The following BAHCC1 variants were observed in gnomAD, a reference collection of about 807,000 sequenced individuals.
The protein encoded by BAHCC1 is BAH domain and coiled-coil containing 1.
A neutral mutation model predicts 88.2 loss-of-function variants in BAHCC1; 43 were observed. That is an observed-to-expected ratio of 0.49 (90% CI 0.38 to 0.63). The LOEUF is 0.63. BAHCC1 is among the 20% of genes least tolerant of loss of function. The pLI is 0.00. For synonymous variants in BAHCC1, 1,510 were observed against 745.5 expected, an observed-to-expected ratio of 2.03 and a Z score of -16.71; for missense variants, 3,023 against 1,654.8, an observed-to-expected ratio of 1.83 and a Z score of -14.34.
At chr17:81,449,715 GA>G (rs2064598776) in intron 11 of BAHCC1, among the ~76,000 whole-genome samples, 1 of 151,224 alleles carries the variant, frequency 6.6e-6, no homozygotes, top group South Asian at 2.1e-4. Context: ...ATTCCCTGCG[GA>G]TCCTGGACCC....
chr17:81,443,079 G>A lies in BAHCC1; in HGVS notation c.1730G>A (p.Ser577Asn), dbSNP rs558631175. Reference sequence around the variant, plus strand: ...CTGGAGCTGGCATCCCTGGGCTACAGTGGGCCCCACCTGCCCCCATGGGGT... The same window carrying A: ...CTGGAGCTGGCATCCCTGGGCTACAATGGGCCCCACCTGCCCCCATGGGGT... ...KSLELASLGY[S>N]GPHLPPWGVQ... Residue 577 changes from serine (S) to asparagine (N), a missense_variant, in exon 5 of 28, where the codon AGT becomes AAT. Coordinates refer to ENST00000675386, the MANE Select transcript of BAHCC1 (RefSeq NM_001377448.1). 2 of 778,254 alleles carry A rather than the reference G, an allele frequency of 2.6e-6. No homozygotes were observed. Among genetic ancestry groups the A allele is most frequent in the South Asian group, 1.3e-5 (1 of 74,604 alleles). 48.2% of individuals were successfully genotyped at this position (778,254 alleles called of 1,614,324 possible). A position where few individuals can be genotyped will look rare whatever the true frequency, so the allele number is the denominator to read the frequency against.
intron 4 of BAHCC1, 66 bp from the exon 5 acceptor site, chr17:81,441,763 GTC>G: frequency 2.0e-6 from 1 of 505,766 alleles, no homozygotes; most frequent in Non-Finnish European, 3.6e-6. Flanking sequence ...TGGAGCACCT[GTC>G]TCAGGGAGTC....
chr17:81,426,125 T>TGTGGTTGGTGGTG (rs2064193963), intron 2 of BAHCC1, among the ~76,000 whole-genome samples: 5 of 31,410 alleles, frequency 1.6e-4, no homozygotes, highest in African/African-American at 4.2e-4. Context: ...TTGGTGGTGA[T>TGTGGTTGGTGGTG]AGTGGTTGGT....
intron 14 of BAHCC1, among the ~76,000 whole-genome samples, chr17:81,454,618 C>T (rs995488859): frequency 1.4e-5 from 2 of 139,050 alleles, no homozygotes; most frequent in African/African-American, 2.6e-5. Flanking sequence ...CCAGCTGTGG[C>T]GGAAATGTGG....
chr17:81,457,473 C>T lies in BAHCC1; in HGVS notation c.4922C>T (p.Ala1641Val), dbSNP rs782320867. 1.4e-5 allele frequency: 11 copies of T among 770,566 alleles called. No individual in the cohort carries two copies. The African/African-American group carries it at 1.9e-4, about 13-fold the overall frequency. The allele number at this position is 770,566 out of a possible 1,614,324, so 47.7% of individuals were successfully genotyped here. A position where few individuals can be genotyped will look rare whatever the true frequency, so the allele number is the denominator to read the frequency against. The change falls in exon 17 of 28, where the codon GCA becomes GTA. Residue 1641 changes from alanine (A) to valine (V), a missense_variant. Ala to Val is a moderately conservative substitution (Grantham distance 64, BLOSUM62 0). Coordinates refer to ENST00000675386, the MANE Select transcript of BAHCC1 (RefSeq NM_001377448.1). ...LLGTEAPPRE[A>V]GLLLHTGASV... is the part of the protein sequence containing the mutation. Reference sequence around the variant, plus strand: ...GGGACAGAGGCACCACCCAGGGAAGCAGGGCTGCTGCTGCACACCGGGGCC... The same window carrying T: ...GGGACAGAGGCACCACCCAGGGAAGTAGGGCTGCTGCTGCACACCGGGGCC...
chr17:81,418,796 C>CGTGTGTGTGTGTGCGCGCATGT (rs539655672), intron 2 of BAHCC1, among the ~76,000 whole-genome samples: 3 of 144,800 alleles, frequency 2.1e-5, no homozygotes, highest in Non-Finnish European at 3.0e-5. Context: ...TACGTGTGTG[C>CGTGTGTGTGTGTGCGCGCATGT]GTGTGTGTGT....
intron 2 of BAHCC1, chr17:81,406,917 C>T (rs1555647007): frequency 2.2e-6 from 1 of 456,326 alleles, no homozygotes; most frequent in African/African-American, 2.0e-5. Context: ...GATTAGGTTC[C>T]CGATCGGATC....
chr17:81,465,013 C>T lies in BAHCC1; in HGVS notation c.*1196C>T, dbSNP rs1555660406. 2 of 152,430 alleles carry T rather than the reference C, an allele frequency of 1.3e-5. No homozygotes were observed. The highest frequency in any genetic ancestry group is 4.8e-5 in the African/African-American group (2 of 41,558). 9.4% of individuals were successfully genotyped at this position (152,430 alleles called of 1,614,324 possible). Reference sequence around the variant, plus strand: ...AGTCCCACCAGATTCTCTCCTCACCCCCAAGCAGAATGCATGCAAAAGACA... The same window carrying T: ...AGTCCCACCAGATTCTCTCCTCACCTCCAAGCAGAATGCATGCAAAAGACA... On this transcript the variant is annotated 3_prime_UTR_variant, in exon 28 of 28. Coordinates refer to ENST00000675386, the MANE Select transcript of BAHCC1 (RefSeq NM_001377448.1).
intron 2 of BAHCC1, among the ~76,000 whole-genome samples, chr17:81,408,256 G>A (rs963721366): frequency 2.0e-5 from 3 of 152,188 alleles, no homozygotes; most frequent in Admixed American, 1.3e-4. Flanking sequence ...CTGCCCTGAG[G>A]CTGTCTGGTT....
chr17:81,437,658 C>T lies in BAHCC1; in HGVS notation c.359-712C>T, dbSNP rs573096764. On this transcript the variant is annotated intron_variant, in intron 3 of 27. Coordinates refer to ENST00000675386, the MANE Select transcript of BAHCC1 (RefSeq NM_001377448.1). The stretch of plus-strand genomic sequence containing the variant: ...TTTCCTGTGCTGGGCAGGGGCAGGC[C>T]GCTCAGAAATGTGGCTGCCTTGAGG... Among the ~76,000 whole-genome samples, 26 of 152,316 alleles carry T rather than the reference C, an allele frequency of 1.7e-4. 1 individual carries two copies. The South Asian group carries it at 4.8e-3, about 28-fold the overall frequency.
intron 2 of BAHCC1, among the ~76,000 whole-genome samples, chr17:81,414,920 G>C (rs1316021220): frequency 1.3e-5 from 2 of 152,148 alleles, no homozygotes; most frequent in African/African-American, 4.8e-5. Flanking sequence ...ACCCCGGCCT[G>C]TCGCATCCCC....
intron 3 of BAHCC1, among the ~76,000 whole-genome samples, chr17:81,431,065 G>A (rs2064255481): frequency 1.3e-5 from 2 of 150,206 alleles, no homozygotes; most frequent in Admixed American, 1.3e-4. Flanking sequence ...GCGTGGGGGT[G>A]GAGGGGACAG....
At chr17:81,446,952 C>T (rs2064540069) in intron 10 of BAHCC1, 84 bp from the exon 11 acceptor site, 3 of 745,972 alleles carry the variant, frequency 4.0e-6, no homozygotes, top group South Asian at 2.9e-5. Flanking sequence ...TCTGAGGGTT[C>T]GAGGCCACTG....
rs1480140134 is a variant in BAHCC1, at chr17:81,435,549, G to T, written c.359-2821G>T. The T allele has an allele frequency of 2.1e-6, 1 of 466,876 alleles. No homozygotes were observed. Among genetic ancestry groups the T allele is most frequent in the Non-Finnish European group, 4.4e-6 (1 of 224,866 alleles). 28.9% of individuals were successfully genotyped at this position (466,876 alleles called of 1,614,324 possible). A position where few individuals can be genotyped will look rare whatever the true frequency, so the allele number is the denominator to read the frequency against. On this transcript the variant is annotated intron_variant, in intron 3 of 27. Transcript: ENST00000675386. This position sits in a 1 kb window ranked among gnomAD's most constrained non-coding sequence, Gnocchi z 4.4. ...ATCATAAAAGCTCCCGTCTCAAAGG[G>T]GTCTGGGAAGGGGAGGTTCTGGAGC... is the stretch of plus-strand genomic sequence containing the variant.
At chr17:81,416,628 G>A (rs1464090590) in intron 2 of BAHCC1, among the ~76,000 whole-genome samples, 1 of 151,916 alleles carries the variant, frequency 6.6e-6, no homozygotes, top group Non-Finnish European at 1.5e-5. Flanking sequence ...GTGTCCATGA[G>A]GATGGGTGTA....
intron 14 of BAHCC1, among the ~76,000 whole-genome samples, chr17:81,454,590 C>T (rs1012048349): frequency 4.1e-5 from 6 of 147,714 alleles, no homozygotes; most frequent in Non-Finnish European, 9.1e-5. Flanking sequence ...GGTGGGACTC[C>T]GGTTGGCACG....
rs868985051 is a variant in BAHCC1, at chr17:81,406,024, C to T, written c.178+6107C>T. Among the ~76,000 whole-genome samples, 7 of 152,336 alleles carry T rather than the reference C, an allele frequency of 4.6e-5. No individual in the cohort carries two copies. The South Asian group carries it at 1.2e-3, about 27-fold the overall frequency. ...GCCAGCCTCTGCCTAGGGAGTCCCT[C>T]GAGAAAATACCGCCCAGCCTTTGGG... On this transcript the variant is annotated intron_variant, in intron 2 of 27. Transcript: ENST00000675386.
In BAHCC1 at chr17:81,399,848, G is replaced by C; in HGVS notation, c.109G>C (p.Ala37Pro). ...AARLAPAGPA[A>P]QPPAHFQPGK... ...GCGTCTCGCCCCGGCTGGGCCCGCCGCGCAGCCCCCCGCACACTTCCAGCC... is the reference window on the plus strand; with the variant it reads ...GCGTCTCGCCCCGGCTGGGCCCGCCCCGCAGCCCCCCGCACACTTCCAGCC... Residue 37 changes from alanine to proline, a missense_variant, in exon 2 of 28, where the codon GCG becomes CCG. Coordinates refer to ENST00000675386, the MANE Select transcript of BAHCC1 (RefSeq NM_001377448.1). This position sits in a 1 kb window ranked among gnomAD's most constrained non-coding sequence, Gnocchi z 4.5. The C allele has an allele frequency of 7.2e-7, 1 of 1,385,628 alleles. No homozygotes were observed. Among genetic ancestry groups the C allele is most frequent in the Non-Finnish European group, 9.4e-7 (1 of 1,067,468 alleles). The allele number at this position is 1,385,628 out of a possible 1,614,324, so 85.8% of individuals were successfully genotyped here.
chr17:81,405,801 C>T (rs1555646779), intron 2 of BAHCC1, among the ~76,000 whole-genome samples: 1 of 152,240 alleles, frequency 6.6e-6, no homozygotes, highest in African/African-American at 2.4e-5. Context: ...GGGACCTGTC[C>T]TCTGTCCTCT....
Sources: gnomAD v4.1 joint callset for allele counts (sites outside exome capture counted in the v4.1 genomes callset) on GRCh38, gnomAD v4.1.1 for gene constraint, Gnocchi (gnomAD v3.1) non-coding constraint, MANE v1.5 for transcripts, NCBI Gene and HGNC (gene_info 2026-07-23, HGNC 2026-07-21) for gene names.